The following MACROD2 variants were observed in gnomAD, a reference collection of about 807,000 sequenced individuals.
MACROD2 encodes ADP-ribose glycohydrolase MACROD2.
Under a neutral mutation model 70.4 loss-of-function variants are expected in MACROD2, and 36 were observed. The observed-to-expected ratio is 0.51, with a 90% CI of 0.39 to 0.68. The LOEUF is 0.68. MACROD2 is among the 30% of genes least tolerant of loss of function. MACROD2 has a pLI of 0.00. For missense variants in MACROD2, 496 were observed against 538.4 expected (o/e 0.92, Z 0.78); for synonymous variants, 172 against 178.8 (o/e 0.96, Z 0.30).
intron 5 of MACROD2, among the ~76,000 whole-genome samples, chr20:15,200,375 C>A (rs1223663746): frequency 2.0e-5 from 3 of 152,142 alleles, no homozygotes; most frequent in Non-Finnish European, 4.4e-5. Flanking sequence ...CCCTGTCACC[C>A]AATTACCTCA....
intron 5 of MACROD2, among the ~76,000 whole-genome samples, chr20:14,860,854 C>T (rs533131204): frequency 6.6e-6 from 1 of 152,096 alleles, no homozygotes; most frequent in South Asian, 2.1e-4. Flanking sequence ...ATAAATTCAA[C>T]GTGGCTATTT....
At chr20:15,065,232 G>A (rs1329615407) in intron 5 of MACROD2, among the ~76,000 whole-genome samples, 1 of 151,970 alleles carries the variant, frequency 6.6e-6, no homozygotes, top group African/African-American at 2.4e-5. Context: ...CTAGTGGTGT[G>A]ATTGCATTGT....
chr20:14,367,305 A>G (rs2083281546), intron 3 of MACROD2, among the ~76,000 whole-genome samples: 1 of 152,208 alleles, frequency 6.6e-6, no homozygotes, highest in South Asian at 2.1e-4. Context: ...TAAAAAGAAG[A>G]GATACAAACA....
At chr20:15,267,852 A>G (rs1165056539) in intron 6 of MACROD2, among the ~76,000 whole-genome samples, 3 of 152,138 alleles carry the variant, frequency 2.0e-5, no homozygotes, top group African/African-American at 7.2e-5. Context: ...CCTGGGATTC[A>G]ATCAGTGAGA....
In MACROD2 at chr20:15,260,611, TC is replaced by T. The variant is rs533582158; in HGVS notation, c.540+30552del. Among the ~76,000 whole-genome samples, 5 of 152,060 alleles carry T rather than the reference TC, an allele frequency of 3.3e-5. No individual in the cohort carries two copies. The East Asian group carries it at 9.7e-4, about 29-fold the overall frequency. Reference sequence around the variant, plus strand: ...ATCTCTCTGATACACTGGTATCCTTTCCTTTGATTATATACCCAGTAGTGGG... The same window carrying T: ...ATCTCTCTGATACACTGGTATCCTTTCTTTGATTATATACCCAGTAGTGGG... On this transcript the variant is annotated intron_variant, in intron 6 of 17. Coordinates refer to ENST00000684519, the MANE Select transcript of MACROD2 (RefSeq NM_001351661.2).
At chr20:15,659,300 A>G (rs2049780480) in intron 8 of MACROD2, among the ~76,000 whole-genome samples, 1 of 133,538 alleles carries the variant, frequency 7.5e-6, no homozygotes, top group African/African-American at 2.7e-5. Flanking sequence ...GCAAGATAGC[A>G]CAGCTTTTTT....
At chr20:14,427,377 A>T (rs1331358351) in intron 3 of MACROD2, among the ~76,000 whole-genome samples, 1 of 151,714 alleles carries the variant, frequency 6.6e-6, no homozygotes, top group Non-Finnish European at 1.5e-5. Context: ...GGAAGCTCTC[A>T]GTTTTTTCTA....
At chr20:14,072,902 C>T in intron 2 of MACROD2, among the ~76,000 whole-genome samples, 1 of 150,742 alleles carries the variant, frequency 6.6e-6, no homozygotes, top group South Asian at 2.1e-4. Flanking sequence ...TCACTGCACT[C>T]CAGCCTGGGC....
chr20:15,003,235 A>G (rs1050201394), intron 5 of MACROD2, among the ~76,000 whole-genome samples: 1 of 152,202 alleles, frequency 6.6e-6, no homozygotes, highest in Non-Finnish European at 1.5e-5. Flanking sequence ...CAGCTTTCCA[A>G]TGTAGTCAGG....
chr20:14,368,375 C>G (rs866563397), intron 3 of MACROD2, among the ~76,000 whole-genome samples: 3 of 152,050 alleles, frequency 2.0e-5, no homozygotes, highest in Admixed American at 2.0e-4. Context: ...AACCCTGTCT[C>G]TACTAGAAAT....
At chr20:14,356,147 T>A (rs2083170079) in intron 3 of MACROD2, among the ~76,000 whole-genome samples, 1 of 152,220 alleles carries the variant, frequency 6.6e-6, no homozygotes, top group Non-Finnish European at 1.5e-5. Context: ...TTGGGTAAAT[T>A]ACTTAATCTC....
chr20:15,670,348 GC>G (rs2049962620), intron 8 of MACROD2, among the ~76,000 whole-genome samples: 1 of 152,150 alleles, frequency 6.6e-6, no homozygotes, highest in African/African-American at 2.4e-5. Flanking sequence ...CAGAAACAGA[GC>G]CCTATCCTGT....
chr20:14,436,863 T>G (rs573927199), intron 3 of MACROD2, among the ~76,000 whole-genome samples: 1 of 152,350 alleles, frequency 6.6e-6, no homozygotes, highest in East Asian at 1.9e-4. Flanking sequence ...GTATTAAGCA[T>G]GCACTTACTG....
intron 13 of MACROD2, among the ~76,000 whole-genome samples, chr20:15,986,411 C>T (rs1290385789): frequency 6.6e-6 from 1 of 152,118 alleles, no homozygotes; most frequent in African/African-American, 2.4e-5. Context: ...CCCATACAGC[C>T]CAGAAATTAT....
At chr20:14,910,028 C>G (rs2074007521) in intron 5 of MACROD2, among the ~76,000 whole-genome samples, 2 of 152,170 alleles carry the variant, frequency 1.3e-5, no homozygotes, top group South Asian at 4.1e-4. Context: ...ATGATACTCA[C>G]TTAGCCTCAT....
chr20:14,797,201 C>T (rs899115748), intron 5 of MACROD2, among the ~76,000 whole-genome samples: 3 of 152,046 alleles, frequency 2.0e-5, no homozygotes, highest in Non-Finnish European at 4.4e-5. Context: ...TTGCGATATC[C>T]TTCTAAATGG....
At chr20:14,259,544 C>T (rs757149135) in intron 3 of MACROD2, among the ~76,000 whole-genome samples, 15 of 151,880 alleles carry the variant, frequency 9.9e-5, no homozygotes, top group Admixed American at 2.0e-4. Flanking sequence ...CTGGTAAAAA[C>T]AAAAAAACAG....
At chr20:15,167,181 G>A (rs1014029650) in intron 5 of MACROD2, among the ~76,000 whole-genome samples, 1 of 152,000 alleles carries the variant, frequency 6.6e-6, no homozygotes, top group African/African-American at 2.4e-5. Context: ...CAAAAAAAGT[G>A]TAAACAGTCT....
intron 3 of MACROD2, among the ~76,000 whole-genome samples, chr20:14,216,275 C>T (rs1162229333): frequency 6.6e-6 from 1 of 152,014 alleles, no homozygotes; most frequent in Non-Finnish European, 1.5e-5. Context: ...CCTTTCCCCA[C>T]TTTATGTTTT....
Sources: allele counts gnomAD v4.1 joint callset (sites outside exome capture counted in the v4.1 genomes callset), GRCh38; gene constraint gnomAD v4.1.1; transcripts MANE v1.5; gene names NCBI Gene and HGNC (gene_info 2026-07-23, HGNC 2026-07-21).